The following SHISA9 variants were observed in gnomAD, a reference collection of about 807,000 sequenced individuals.
SHISA9 encodes the protein protein shisa-9.
A neutral mutation model predicts 38.0 loss-of-function variants in SHISA9; 13 were observed. The observed-to-expected ratio is 0.34, with a 90% CI of 0.22 to 0.54. The LOEUF (loss-of-function observed/expected upper bound fraction) is 0.54, where lower values mean the gene tolerates loss of function less well. Ranked by LOEUF, SHISA9 falls within the 20% of genes least tolerant of loss-of-function variation. The pLI, the probability that SHISA9 is intolerant of heterozygous loss-of-function variation, is 0.91. For missense variants in SHISA9, 538 were observed against 575.8 expected (o/e 0.93, Z 0.67); for synonymous variants, 275 against 242.0 (o/e 1.14, Z -1.27).
chr16:13,424,300 C>G, the SHISA9 span, among the ~76,000 whole-genome samples: 1 of 152,256 alleles, frequency 6.6e-6, no homozygotes, highest in South Asian at 2.1e-4. Context: ...AATCAAAGTG[C>G]TCCTGAATGT....
intron 2 of SHISA9, among the ~76,000 whole-genome samples, chr16:12,991,184 A>G (rs2072381517): frequency 6.6e-6 from 1 of 152,164 alleles, no homozygotes; most frequent in Admixed American, 6.6e-5. Context: ...TTATTAGTTC[A>G]TGCCCCTCAC....
chr16:13,469,259 A>C, the SHISA9 span, among the ~76,000 whole-genome samples: 4 of 148,936 alleles, frequency 2.7e-5, no homozygotes, highest in African/African-American at 5.0e-5. Flanking sequence ...AAAGAGAAGA[A>C]AGTAAGGTAA....
the SHISA9 span, among the ~76,000 whole-genome samples, chr16:13,469,850 G>T: frequency 1.3e-5 from 2 of 151,934 alleles, no homozygotes; most frequent in African/African-American, 4.8e-5. Context: ...TAAGGGGAGG[G>T]GTGGGTGGGA....
the SHISA9 span, among the ~76,000 whole-genome samples, chr16:13,373,041 G>C: frequency 6.6e-6 from 1 of 152,026 alleles, no homozygotes; most frequent in South Asian, 2.1e-4. Flanking sequence ...GGAGGCCATA[G>C]CACCCTCACT....
chr16:13,255,361 T>A, the SHISA9 span, among the ~76,000 whole-genome samples: 1 of 152,194 alleles, frequency 6.6e-6, no homozygotes. Flanking sequence ...TCTCTCTGTT[T>A]GACCTTATGT....
chr16:13,303,435 A>C, the SHISA9 span, among the ~76,000 whole-genome samples: 1 of 152,222 alleles, frequency 6.6e-6, no homozygotes, highest in Non-Finnish European at 1.5e-5. Flanking sequence ...ATATGCTCCA[A>C]TGTGGAGGAA....
At chr16:12,926,353 C>G (rs1203349747) in intron 2 of SHISA9, among the ~76,000 whole-genome samples, 1 of 152,022 alleles carries the variant, frequency 6.6e-6, no homozygotes, top group Non-Finnish European at 1.5e-5. Flanking sequence ...GAAAATGGAC[C>G]AACCGAGATA....
chr16:13,047,498 C>T (rs1027684810), intron 2 of SHISA9, among the ~76,000 whole-genome samples: 1 of 152,148 alleles, frequency 6.6e-6, no homozygotes, highest in Non-Finnish European at 1.5e-5. Context: ...TGTCTGCTTG[C>T]CTGGTTTTGA....
the SHISA9 span, among the ~76,000 whole-genome samples, chr16:13,490,864 T>C: frequency 1.3e-5 from 2 of 152,232 alleles, no homozygotes; most frequent in African/African-American, 2.4e-5. Context: ...GGTTGTAATA[T>C]ATTCTCTGCT....
chr16:13,398,005 C>T, the SHISA9 span, among the ~76,000 whole-genome samples: 1 of 152,136 alleles, frequency 6.6e-6, no homozygotes, highest in South Asian at 2.1e-4. Context: ...CCCATGTGCT[C>T]CTCTGACTGC....
At chr16:12,913,684 C>T (rs1050731207) in intron 1 of SHISA9, among the ~76,000 whole-genome samples, 4 of 152,190 alleles carry the variant, frequency 2.6e-5, no homozygotes, top group African/African-American at 9.6e-5. Context: ...CTCACTGTGT[C>T]CCCTGGCAAC....
chr16:13,224,305 A>G (rs2051258007), intron 4 of SHISA9, among the ~76,000 whole-genome samples: 2 of 152,184 alleles, frequency 1.3e-5, no homozygotes, highest in African/African-American at 2.4e-5. Context: ...TAGGTCTGCT[A>G]AAGAGTATCC....
At chr16:13,232,910 C>G (rs543159848) in intron 4 of SHISA9, among the ~76,000 whole-genome samples, 2 of 152,198 alleles carry the variant, frequency 1.3e-5, no homozygotes, top group Non-Finnish European at 2.9e-5. Context: ...GTGCTAGACT[C>G]TCAGTTAATC....
the SHISA9 span, among the ~76,000 whole-genome samples, chr16:13,319,897 A>C: frequency 6.6e-6 from 1 of 151,924 alleles, no homozygotes; most frequent in South Asian, 2.1e-4. Flanking sequence ...ATTTGTTTTG[A>C]TATTTGAATT....
At chr16:13,536,875 A>G in the SHISA9 span, among the ~76,000 whole-genome samples, 1 of 152,320 alleles carries the variant, frequency 6.6e-6, no homozygotes, top group East Asian at 1.9e-4. Flanking sequence ...GAATAGTGGC[A>G]TGATCAGAAA....
At chr16:13,397,589 C>T in the SHISA9 span, among the ~76,000 whole-genome samples, 1 of 152,134 alleles carries the variant, frequency 6.6e-6, no homozygotes, top group Admixed American at 6.5e-5. Context: ...TGCACGCCAC[C>T]ACACCTGGCT....
the SHISA9 span, among the ~76,000 whole-genome samples, chr16:13,454,004 C>T: frequency 1.3e-5 from 2 of 152,184 alleles, no homozygotes; most frequent in African/African-American, 4.8e-5. Flanking sequence ...TCTCATATGT[C>T]ATTTAAAGAA....
chr16:13,272,091 A>AAG, the SHISA9 span, among the ~76,000 whole-genome samples: 1 of 81,076 alleles, frequency 1.2e-5, no homozygotes. Context: ...AAAAAAAAAA[A>AAG]AGAGAGAGAG....
In SHISA9 at chr16:13,005,389, C is replaced by T. The variant is rs577471606; in HGVS notation, c.691+88574C>T. Among the ~76,000 whole-genome samples the T allele has an allele frequency of 8.5e-4, 129 of 152,138 alleles. 1 individual carries two copies. The highest frequency in any genetic ancestry group is 3.4e-3 in the Middle Eastern group (1 of 294). On this transcript the variant is annotated intron_variant, in intron 2 of 4. Transcript: ENST00000558583. ...TGAAGGGCAACCAACATTTATGAGGCGCCTACTATGTGCCAGGTCATCTTG... is the reference window on the plus strand; with the variant it reads ...TGAAGGGCAACCAACATTTATGAGGTGCCTACTATGTGCCAGGTCATCTTG...
Sources: gnomAD v4.1 joint callset for allele counts (sites outside exome capture counted in the v4.1 genomes callset) on GRCh38, gnomAD v4.1.1 for gene constraint, MANE v1.5 for transcripts, NCBI Gene and HGNC (gene_info 2026-07-23, HGNC 2026-07-21) for gene names.